The following GSG1L variants were observed in gnomAD, a reference collection of about 807,000 sequenced individuals.
GSG1L encodes the protein GSG1 like.
GSG1L carries 24 observed loss-of-function variants against 42.1 expected under a neutral mutation model. The observed-to-expected ratio is 0.57, with a 90% CI of 0.41 to 0.80. GSG1L has a LOEUF of 0.80. GSG1L is among the 30% of genes least tolerant of loss of function. GSG1L has a pLI of 0.00. For synonymous variants in GSG1L, 215 were observed against 203.5 expected (o/e 1.06, Z -0.48); for missense variants, 445 against 472.2 (o/e 0.94, Z 0.53).
chr16:27,823,282 T>A (rs1276679309), intron 5 of GSG1L, among the ~76,000 whole-genome samples: 3 of 152,108 alleles, frequency 2.0e-5, no homozygotes, highest in African/African-American at 7.2e-5. Flanking sequence ...ACCCAACACA[T>A]GTGCATACTG....
At chr16:27,990,403 T>C (rs2141134352) in intron 1 of GSG1L, among the ~76,000 whole-genome samples, 1 of 152,328 alleles carries the variant, frequency 6.6e-6, no homozygotes, top group South Asian at 2.1e-4. Flanking sequence ...TACGTTTTCT[T>C]TTGCCACTGG....
Position 28,059,150 on chromosome 16 carries a change from G to A in GSG1L, c.349+3926C>T, listed in dbSNP as rs570068461. Among the ~76,000 whole-genome samples the A allele has an allele frequency of 6.2e-4, 94 of 152,266 alleles. No individual in the cohort carries two copies. In the South Asian group the frequency reaches 0.013, roughly 21 times the overall value. On this transcript the variant is annotated intron_variant, in intron 1 of 6. Transcript: ENST00000447459. This position sits in a 1 kb window ranked among gnomAD's most constrained non-coding sequence, Gnocchi z 4.4. ...ATCTCCGGCGGGTGCTAGCTGCTCTGATCCCCACCTACACAGTAGCCCTGG... is the reference window on the plus strand; with the variant it reads ...ATCTCCGGCGGGTGCTAGCTGCTCTAATCCCCACCTACACAGTAGCCCTGG...
At chr16:28,043,725 T>C (rs2086134372) in intron 1 of GSG1L, among the ~76,000 whole-genome samples, 1 of 152,238 alleles carries the variant, frequency 6.6e-6, no homozygotes, top group Non-Finnish European at 1.5e-5. Context: ...TACAGCCACT[T>C]TGAAAGACGG....
intron 2 of GSG1L, among the ~76,000 whole-genome samples, chr16:27,947,384 AAAAGAAAGAAAGAAAGAAAGAAAG>A (rs199991139): frequency 1.5e-5 from 2 of 130,764 alleles, no homozygotes; most frequent in East Asian, 4.4e-4. Context: ...GAAAGAAAGA[AAAAGAAAGAAAGAAAGAAAGAAAG>A]AAAGAAAGAA....
In GSG1L at chr16:27,893,569, A is replaced by T. The variant is rs937842259; in HGVS notation, c.398-8931T>A. ...AATAAGTGTCATTATTCACAACTAT[A>T]ATAATTTTTCCTTTTCCTTTTTATT... On this transcript the variant is annotated intron_variant, in intron 2 of 6. Coordinates refer to ENST00000447459, the MANE Select transcript of GSG1L (RefSeq NM_001109763.2). Among the ~76,000 whole-genome samples, 6 of 152,200 alleles carry T rather than the reference A, an allele frequency of 3.9e-5. No homozygotes were observed. In the East Asian group the frequency reaches 1.2e-3, roughly 29 times the overall value.
chr16:27,894,746 GC>G (rs1025799718), intron 2 of GSG1L, among the ~76,000 whole-genome samples: 3 of 152,316 alleles, frequency 2.0e-5, no homozygotes, highest in Non-Finnish European at 4.4e-5. Context: ...GGGTCACTGA[GC>G]CCCCAGCCCT....
chr16:28,017,691 T>C (rs936434164), intron 1 of GSG1L, among the ~76,000 whole-genome samples: 1 of 152,144 alleles, frequency 6.6e-6, no homozygotes, highest in Non-Finnish European at 1.5e-5. Flanking sequence ...CTCAAAAACA[T>C]ACCGTACAAC....
intron 1 of GSG1L, among the ~76,000 whole-genome samples, chr16:28,020,559 G>A (rs74320017): frequency 0.04 from 6,078 of 152,160 alleles, 380 homozygotes; most frequent in African/African-American, 0.14. Flanking sequence ...GTCAGAGGGG[G>A]TGTTGCAGCC....
chr16:27,824,955 T>G (rs189428608), intron 5 of GSG1L, among the ~76,000 whole-genome samples: 1 of 152,354 alleles, frequency 6.6e-6, no homozygotes, highest in African/African-American at 2.4e-5. Flanking sequence ...TCGGGCCCTG[T>G]GCCATGCTGG....
chr16:27,892,027 G>A (rs1202973762), intron 2 of GSG1L, among the ~76,000 whole-genome samples: 1 of 151,136 alleles, frequency 6.6e-6, no homozygotes, highest in Non-Finnish European at 1.5e-5. Context: ...CAAATTCTCC[G>A]GCCCCAGCCC....
chr16:27,986,433 G>T (rs2085383180), intron 1 of GSG1L, among the ~76,000 whole-genome samples: 2 of 151,766 alleles, frequency 1.3e-5, no homozygotes, highest in Admixed American at 6.6e-5. Flanking sequence ...TTAAACTCGG[G>T]AGGTGGAGGC....
intron 6 of GSG1L, among the ~76,000 whole-genome samples, chr16:27,794,703 G>C (rs1027927907): frequency 1.1e-4 from 17 of 152,092 alleles, no homozygotes; most frequent in Admixed American, 6.6e-5. Flanking sequence ...TGACAATTAA[G>C]GTTTCAAATG....
At chr16:27,836,407 G>C (rs749569600) in intron 4 of GSG1L, among the ~76,000 whole-genome samples, 2 of 151,714 alleles carry the variant, frequency 1.3e-5, no homozygotes, top group Non-Finnish European at 1.5e-5. Flanking sequence ...TCTTTTACAG[G>C]ATTTGGGAAG....
At chr16:27,944,944 G>C (rs1412584472) in intron 2 of GSG1L, among the ~76,000 whole-genome samples, 1 of 151,682 alleles carries the variant, frequency 6.6e-6, no homozygotes, top group Non-Finnish European at 1.5e-5. Context: ...GGGCATCGTG[G>C]CGTGTACCTG....
chr16:27,835,557 T>A (rs1175695210), intron 4 of GSG1L, among the ~76,000 whole-genome samples: 1 of 152,132 alleles, frequency 6.6e-6, no homozygotes, highest in Admixed American at 6.5e-5. Context: ...TCTTTCCTGC[T>A]TGTTCCTCTG....
chr16:27,992,377 C>A (rs1369392931), intron 1 of GSG1L, among the ~76,000 whole-genome samples: 2 of 151,964 alleles, frequency 1.3e-5, no homozygotes, highest in Non-Finnish European at 2.9e-5. Context: ...TGTCTGTAAT[C>A]CCAGTTACTA....
At chr16:28,056,112 C>T (rs1220944081) in intron 1 of GSG1L, among the ~76,000 whole-genome samples, 4 of 152,170 alleles carry the variant, frequency 2.6e-5, no homozygotes, top group Non-Finnish European at 4.4e-5. Context: ...GTACATTCCA[C>T]AAGTGTTCCC....
At chr16:27,865,099 G>A (rs753940233) in intron 3 of GSG1L, among the ~76,000 whole-genome samples, 7 of 152,006 alleles carry the variant, frequency 4.6e-5, no homozygotes, top group Admixed American at 2.6e-4. Context: ...CCAGTCCCAC[G>A]CATTCTTCTG....
chr16:27,951,176 T>C (rs1324683928), intron 2 of GSG1L, among the ~76,000 whole-genome samples: 1 of 151,886 alleles, frequency 6.6e-6, no homozygotes, highest in African/African-American at 2.4e-5. Flanking sequence ...TGGCATCAGG[T>C]GAGCCAGCCT....
Sources: gnomAD v4.1 joint callset for allele counts (sites outside exome capture counted in the v4.1 genomes callset) on GRCh38, gnomAD v4.1.1 for gene constraint, Gnocchi (gnomAD v3.1) non-coding constraint, MANE v1.5 for transcripts, NCBI Gene and HGNC (gene_info 2026-07-23, HGNC 2026-07-21) for gene names.